BRCC3: variants seen among roughly 807,000 people sequenced by gnomAD.
The protein encoded by BRCC3 is lys-63-specific deubiquitinase BRCC36.
A neutral mutation model predicts 28.0 loss-of-function variants in BRCC3; 15 were observed. That is an observed-to-expected ratio of 0.54 (90% CI 0.36 to 0.82). The LOEUF (loss-of-function observed/expected upper bound fraction) is 0.82, where lower values mean the gene tolerates loss of function less well. Among genes scored for constraint, BRCC3 ranks in the 40% least tolerant of loss-of-function variants. The pLI is 0.01. For synonymous variants in BRCC3, 66 were observed against 80.3 expected (o/e 0.82, Z 0.95); for missense variants, 109 against 225.9 (o/e 0.48, Z 3.32).
intron 7 of BRCC3, among the ~76,000 whole-genome samples, chrX:155,091,794 T>TAAAA (rs1186835284): frequency 1.0e-5 from 1 of 98,088 alleles, no homozygotes. Context: ...ATGCAGCCGT[T>TAAAA]AAAAAAAAAA....
At chrX:155,077,543 G>A (rs1279740825) in intron 4 of BRCC3, among the ~76,000 whole-genome samples, 2 of 111,531 alleles carry the variant, frequency 1.8e-5, no homozygotes, top group Non-Finnish European at 3.8e-5. Flanking sequence ...AACTCTGTGT[G>A]GAGTCCCCTC....
chrX:155,085,696 C>T (rs782085683), intron 5 of BRCC3, among the ~76,000 whole-genome samples: 4 of 112,415 alleles, frequency 3.6e-5, no homozygotes, highest in South Asian at 3.7e-4. Flanking sequence ...TCTTAATTTC[C>T]GGTGAGGATA....
intron 7 of BRCC3, among the ~76,000 whole-genome samples, chrX:155,101,129 G>A (rs1264699357): frequency 4.5e-5 from 5 of 111,170 alleles, no homozygotes; most frequent in Admixed American, 3.8e-4. Context: ...AAACTCCCGG[G>A]CTCAAGCGAT....
chrX:155,107,091 AT>A (rs1230858550), intron 7 of BRCC3, among the ~76,000 whole-genome samples: 10 of 108,477 alleles, frequency 9.2e-5, no homozygotes, highest in African/African-American at 1.7e-4. Context: ...TTATTTAGTT[AT>A]TTTTTTTCTA....
At chrX:155,107,512 C>T (rs1156851289) in intron 7 of BRCC3, among the ~76,000 whole-genome samples, 1 of 110,019 alleles carries the variant, frequency 9.1e-6, no homozygotes, top group Non-Finnish European at 1.9e-5. Flanking sequence ...CTCACTCTGC[C>T]TACAGTTTCC....
At chrX:155,086,517 ATTT>A (rs1179189636) in intron 5 of BRCC3, among the ~76,000 whole-genome samples, 1 of 102,812 alleles carries the variant, frequency 9.7e-6, no homozygotes, top group African/African-American at 3.5e-5. Context: ...CGCCTGGCTA[ATTT>A]TTTTTTTTTT....
intron 5 of BRCC3, among the ~76,000 whole-genome samples, chrX:155,082,852 G>A (rs781960352): frequency 8.9e-6 from 1 of 112,229 alleles, no homozygotes; most frequent in East Asian, 2.8e-4. Context: ...GATCATGCAT[G>A]GCATTTAGCC....
In BRCC3 at chrX:155,116,190, T is replaced by C. The variant is rs968471735; in HGVS notation, c.680+2T>C. On this transcript the variant is annotated splice_donor_variant, in intron 8 of 10. Coordinates refer to ENST00000330045, the MANE Select transcript of BRCC3 (RefSeq NM_001018055.3). LOFTEE classifies it high-confidence loss of function. ...GGATGCGTATAGGAGGATCCACAGG[T>C]AGAGACCCTCTTCACTCCTCTTCTC... The C allele has an allele frequency of 8.5e-7, 1 of 1,179,819 alleles. No homozygotes were observed. The highest frequency in any genetic ancestry group is 1.1e-6 in the Non-Finnish European group (1 of 878,630).
At chrX:155,105,697 T>C (rs782375130) in intron 7 of BRCC3, among the ~76,000 whole-genome samples, 3 of 112,138 alleles carry the variant, frequency 2.7e-5, no homozygotes, top group Non-Finnish European at 5.6e-5. Context: ...CTGACTATTC[T>C]TTTTGTTTTG....
chrX:155,096,362 G>A (rs1285884500), intron 7 of BRCC3, among the ~76,000 whole-genome samples: 5 of 112,141 alleles, frequency 4.5e-5, no homozygotes, highest in African/African-American at 1.6e-4. Context: ...ATATTGTGAA[G>A]GTACTAAATG....
At chrX:155,105,090 G>C (rs1557297304) in intron 7 of BRCC3, among the ~76,000 whole-genome samples, 1 of 111,869 alleles carries the variant, frequency 8.9e-6, no homozygotes, top group African/African-American at 3.3e-5. Context: ...AAAGTCAAAA[G>C]TCAGAACTAT....
In BRCC3 at chrX:155,071,529, T is replaced by TGGCGGTGCA. The variant is rs782254785; in HGVS notation, c.5_13dup (p.Ala2_Gln4dup). Reference sequence around the variant, plus strand: ...GGACGTGAGAAGGGTCGGGCCAAGATGGCGGTGCAGGTGGTGCAGGCGGTG... The same window carrying TGGCGGTGCA: ...GGACGTGAGAAGGGTCGGGCCAAGATGGCGGTGCAGGCGGTGCAGGTGGTGCAGGCGGTG... On this transcript the variant is annotated inframe_insertion, in exon 1 of 11. Coordinates refer to ENST00000330045, the MANE Select transcript of BRCC3 (RefSeq NM_001018055.3). The TGGCGGTGCA allele has an allele frequency of 3.3e-6, 4 of 1,201,699 alleles. No individual in the cohort carries two copies. The highest frequency in any genetic ancestry group is 2.2e-5 in the Admixed American group (1 of 44,764).
At chrX:155,100,795 C>G (rs1483091974) in intron 7 of BRCC3, among the ~76,000 whole-genome samples, 4 of 112,058 alleles carry the variant, frequency 3.6e-5, no homozygotes, top group South Asian at 3.7e-4. Flanking sequence ...TCCATTGATT[C>G]AACCAACCCT....
intron 3 of BRCC3, among the ~76,000 whole-genome samples, chrX:155,074,864 C>G (rs1021436488): frequency 1.8e-5 from 2 of 111,296 alleles, no homozygotes; most frequent in Non-Finnish European, 3.8e-5. Flanking sequence ...GTGGTAAATA[C>G]TTTTTAAAAA....
At chrX:155,075,914 T>G (rs149454143) in intron 3 of BRCC3, among the ~76,000 whole-genome samples, 1,521 of 112,219 alleles carry the variant, frequency 0.014, 33 homozygotes, top group African/African-American at 0.047. Context: ...TCATTCACAC[T>G]TTACTACTTC....
chrX:155,083,053 G>A (rs1340067396), intron 5 of BRCC3, among the ~76,000 whole-genome samples: 3 of 112,254 alleles, frequency 2.7e-5, no homozygotes, highest in Non-Finnish European at 3.8e-5. Context: ...CCATCTGGAC[G>A]TGCGTGATTT....
At chrX:155,096,575 C>T (rs1014483612) in intron 7 of BRCC3, among the ~76,000 whole-genome samples, 14 of 112,089 alleles carry the variant, frequency 1.2e-4, no homozygotes, top group Middle Eastern at 4.6e-3. Context: ...ACTTCCCACA[C>T]ACTACTACCC....
At chrX:155,073,253 C>G in intron 2 of BRCC3, 124 bp from the exon 3 acceptor site, 1 of 781,796 alleles carries the variant, frequency 1.3e-6, no homozygotes, top group African/African-American at 2.1e-5. Context: ...TTCAGTTTCC[C>G]TCCTCTTCTT....
intron 3 of BRCC3, among the ~76,000 whole-genome samples, chrX:155,076,098 G>C (rs186911590): frequency 6.2e-4 from 70 of 112,250 alleles, no homozygotes; most frequent in African/African-American, 2.0e-3. Flanking sequence ...TCCTGTATTA[G>C]TCTGTTATCA....
Sources: allele counts gnomAD v4.1 joint callset (sites outside exome capture counted in the v4.1 genomes callset), GRCh38; gene constraint gnomAD v4.1.1; transcripts MANE v1.5; gene names NCBI Gene and HGNC (gene_info 2026-07-23, HGNC 2026-07-21).